Variants in ITPR1 observed in about 807,000 individuals in gnomAD.
ITPR1 encodes the protein inositol 1,4,5-trisphosphate receptor type 1.
A neutral mutation model predicts 318.4 loss-of-function variants in ITPR1; 96 were observed. The observed-to-expected ratio is 0.30, with a 90% confidence interval of 0.26 to 0.36. ITPR1 has a LOEUF of 0.36. Ranked by LOEUF, ITPR1 falls within the 10% of genes least tolerant of loss-of-function variation. The pLI is 1.00. For missense variants in ITPR1, 2,440 were observed against 3,460.2 expected (o/e 0.71, Z 7.40); for synonymous variants, 1,312 against 1,289.9 (o/e 1.02, Z -0.37).
At chr3:4,814,824 T>C in intron 58 of ITPR1, 1 of 595,986 alleles carries the variant, frequency 1.7e-6, no homozygotes, top group Non-Finnish European at 3.0e-6. Flanking sequence ...TTAGGCCTGA[T>C]CCACCTGAAC....
intron 42 of ITPR1, among the ~76,000 whole-genome samples, chr3:4,730,414 TGTGTG>T (rs200039354): frequency 0.12 from 16,246 of 135,668 alleles, 1,238 homozygotes; most frequent in Middle Eastern, 0.22. Flanking sequence ...TGTGTGTGTG[TGTGTG>T]TTTCCCCCAG....
intron 5 of ITPR1, among the ~76,000 whole-genome samples, chr3:4,635,229 C>T (rs2093147505): frequency 6.6e-6 from 1 of 152,174 alleles, no homozygotes; most frequent in Non-Finnish European, 1.5e-5. Context: ...GGAGAAACTC[C>T]TAGAAGTGGA....
intron 2 of ITPR1, among the ~76,000 whole-genome samples, chr3:4,513,309 T>TC (rs2081966787): frequency 6.6e-6 from 1 of 151,914 alleles, no homozygotes; most frequent in Non-Finnish European, 1.5e-5. Flanking sequence ...CCTATCCTCC[T>TC]CCCCCCATCT....
At position 4,733,213 on chromosome 3, in the gene ITPR1, G is replaced by C. The variant is rs1029633230; in HGVS notation, c.5346G>C (p.Gly1782=). 4.3e-6 allele frequency: 7 copies of C among 1,613,864 alleles called. No homozygotes were observed. In the Admixed American group the frequency reaches 5.0e-5, roughly 12 times the overall value. The stretch of plus-strand genomic sequence containing the variant: ...CAGCAGGAGGACCCGGCAAGCCCGG[G>C]GGAGGAGGTACGCTTTGTGGTGTAA... ...PLSAGGPGKP[G]GGGGGSGSSS... is the part of the protein sequence containing the mutation. The change falls in exon 43 of 62, where the codon GGG becomes GGC. Residue 1782 remains glycine (G), a synonymous_variant. Transcript: ENST00000649015.
chr3:4,596,395 C>T (rs1280342634), intron 4 of ITPR1, among the ~76,000 whole-genome samples: 3 of 152,122 alleles, frequency 2.0e-5, no homozygotes, highest in East Asian at 1.9e-4. Context: ...GGTTCCAAAT[C>T]GCAGACTTAT....
intron 16 of ITPR1, among the ~76,000 whole-genome samples, chr3:4,664,638 A>G (rs1031287069): frequency 2.0e-5 from 3 of 152,356 alleles, no homozygotes; most frequent in African/African-American, 4.8e-5. Flanking sequence ...CATTTGTACA[A>G]TAGTAATTCC....
chr3:4,834,754 G>A (rs991718486), intron 60 of ITPR1, among the ~76,000 whole-genome samples: 10 of 152,168 alleles, frequency 6.6e-5, no homozygotes, highest in Admixed American at 6.5e-4. Context: ...TTACAGGTGG[G>A]GAAGCACTTT....
chr3:4,673,995 C>T (rs1000383019), intron 21 of ITPR1, among the ~76,000 whole-genome samples: 1 of 152,102 alleles, frequency 6.6e-6, no homozygotes, highest in Non-Finnish European at 1.5e-5. Flanking sequence ...AAAGCAATCT[C>T]TATGCTAGTT....
intron 14 of ITPR1, 64 bp downstream of exon 14, chr3:4,661,151 A>G (rs1398395337): frequency 1.1e-6 from 1 of 905,198 alleles, no homozygotes; most frequent in African/African-American, 1.7e-5. Context: ...GGCTCCTTTG[A>G]GGACAGATCA....
chr3:4,531,222 C>G (rs1212713041), intron 4 of ITPR1, among the ~76,000 whole-genome samples: 1 of 152,172 alleles, frequency 6.6e-6, no homozygotes, highest in African/African-American at 2.4e-5. Context: ...CTTGAGGCTT[C>G]TGATGTCCTA....
chr3:4,735,523 C>A (rs781345686), intron 44 of ITPR1, 169 bp downstream of exon 44: 11 of 591,436 alleles, frequency 1.9e-5, no homozygotes, highest in Non-Finnish European at 3.3e-5. Context: ...CTGCTGTGAT[C>A]ATTTGGTCAT....
At chr3:4,749,284 G>A (rs902050167) in intron 44 of ITPR1, 1 of 152,110 alleles carries the variant, frequency 6.6e-6, no homozygotes. Flanking sequence ...TGCTCACATT[G>A]GATACCCAAT....
Position 4,618,431 on chromosome 3 carries a change from T to C in ITPR1, c.164-9332T>C, listed in dbSNP as rs567800055. On this transcript the variant is annotated intron_variant, in intron 4 of 61. Coordinates refer to ENST00000649015, the MANE Select transcript of ITPR1 (RefSeq NM_001378452.1). ...GTTATTGTTAGCTTTGTGACACTTC[T>C]CTGTTCCTCCTCCATCCTCCCACTA... Among the ~76,000 whole-genome samples, 6 of 152,354 alleles carry C rather than the reference T, an allele frequency of 3.9e-5. No homozygotes were observed. The South Asian group carries it at 1.2e-3, about 32-fold the overall frequency.
At chr3:4,609,087 T>C (rs1230099666) in intron 4 of ITPR1, among the ~76,000 whole-genome samples, 4,186 of 96,900 alleles carry the variant, frequency 0.043, 224 homozygotes, top group African/African-American at 0.1. Flanking sequence ...TATATATATA[T>C]ATACACACAC....
chr3:4,811,364 A>G lies in ITPR1; in HGVS notation c.7372A>G (p.Ile2458Val). Residue 2458 changes from isoleucine (I) to valine (V), a missense_variant, in exon 56 of 62, where the codon ATC becomes GTC. Physicochemically the swap from Ile to Val is conservative, Grantham distance 29. Around this residue, in one of 23 missense-constraint regions of ITPR1, gnomAD observed 10 missense variants for 47.2 expected, o/e 0.21. Coordinates refer to ENST00000649015, the MANE Select transcript of ITPR1 (RefSeq NM_001378452.1). ...CATCCTGACAGCAGTTCTGGCTCTGATCCTCGTTTACCTGTTCTCAATAGT... is the reference window on the plus strand; with the variant it reads ...CATCCTGACAGCAGTTCTGGCTCTGGTCCTCGTTTACCTGTTCTCAATAGT... ...SIILTAVLALILVYLFSIVGY... is the reference protein window; with the variant it reads ...SIILTAVLALVLVYLFSIVGY... The G allele has an allele frequency of 1.9e-6, 3 of 1,613,978 alleles. No homozygotes were observed. Among genetic ancestry groups the G allele is most frequent in the Non-Finnish European group, 2.5e-6 (3 of 1,179,842 alleles).
chr3:4,653,869 C>T lies in ITPR1; in HGVS notation c.979C>T (p.Leu327=), dbSNP rs1559620129. 1 of 1,610,956 alleles carries T rather than the reference C, an allele frequency of 6.2e-7. No individual in the cohort carries two copies. Among genetic ancestry groups the T allele is most frequent in the Non-Finnish European group, 8.5e-7 (1 of 1,177,948 alleles). ...AGACCCTGACTTTGAGGAAGAATGCCTGGAGTTTCAGCCCTCAGTAAGTAT... is the reference window on the plus strand; with the variant it reads ...AGACCCTGACTTTGAGGAAGAATGCTTGGAGTTTCAGCCCTCAGTAAGTAT... ...EVDPDFEEEC[L]EFQPSVDPDQ... is the part of the protein sequence containing the mutation. The change falls in exon 12 of 62, where the codon CTG becomes TTG. Residue 327 remains leucine, a synonymous_variant. Transcript: ENST00000649015.
At chr3:4,607,337 T>C (rs1053696646) in intron 4 of ITPR1, among the ~76,000 whole-genome samples, 2 of 152,172 alleles carry the variant, frequency 1.3e-5, no homozygotes, top group Non-Finnish European at 2.9e-5. Flanking sequence ...AGGTCAGTGT[T>C]TCTCAGAGTG....
intron 12 of ITPR1, 57 bp from the exon 13 acceptor site, chr3:4,658,067 T>C: frequency 6.7e-7 from 1 of 1,495,898 alleles, no homozygotes. Context: ...GGAATAATTG[T>C]AGAAAGTGAA....
At chr3:4,831,958 T>G (rs551270165) in intron 60 of ITPR1, among the ~76,000 whole-genome samples, 61 of 152,348 alleles carry the variant, frequency 4.0e-4, no homozygotes, top group African/African-American at 1.4e-3. Flanking sequence ...TATACCACAC[T>G]AGAGCCTGTC....
Sources: gnomAD v4.1 joint callset for allele counts (sites outside exome capture counted in the v4.1 genomes callset) on GRCh38, gnomAD v4.1.1 for gene constraint, gnomAD v4.1.1 regional missense constraint, MANE v1.5 for transcripts, NCBI Gene and HGNC (gene_info 2026-07-23, HGNC 2026-07-21) for gene names.